KIF5B: variants seen among roughly 807,000 people sequenced by gnomAD.
KIF5B encodes the protein kinesin family member 5B, also known as kinesin-1 heavy chain.
KIF5B carries 49 observed loss-of-function variants against 132.8 expected under a neutral mutation model. The observed-to-expected ratio is 0.37, with a 90% CI of 0.29 to 0.47. The LOEUF (loss-of-function observed/expected upper bound fraction) is 0.47. KIF5B is among the 20% of genes least tolerant of loss of function. KIF5B has a pLI of 1.00. For missense variants in KIF5B, 780 were observed against 1,144.0 expected, an observed-to-expected ratio of 0.68 and a Z score of 4.59; for synonymous variants, 355 against 369.4, an observed-to-expected ratio of 0.96 and a Z score of 0.45.
chr10:32,049,928 TTA>T (rs1491180000), intron 1 of KIF5B, among the ~76,000 whole-genome samples: 44 of 142,352 alleles, frequency 3.1e-4, no homozygotes, highest in Admixed American at 6.6e-4. Context: ...TCTAAGAAAG[TTA>T]TTTTTTTTTT....
At chr10:32,055,195 A>G (rs1841737365) in intron 1 of KIF5B, among the ~76,000 whole-genome samples, 1 of 151,958 alleles carries the variant, frequency 6.6e-6, no homozygotes, top group Admixed American at 6.6e-5. Flanking sequence ...AAAAAAAAAA[A>G]GCTCAACTAT....
chr10:32,016,594 TGGCTCATTGCAATCTC>T (rs1363224774), intron 24 of KIF5B, among the ~76,000 whole-genome samples: 9 of 152,182 alleles, frequency 5.9e-5, no homozygotes, highest in Non-Finnish European at 1.2e-4. Context: ...GGTGCAATCT[TGGCTCATTGCAATCTC>T]GGCTCATTGC....
rs199947826 is a variant in KIF5B at position 32,034,691 on chromosome 10, A to G, written c.1110T>C (p.Asn370=). 6.3e-7 allele frequency: 1 copy of G among 1,578,532 alleles called. No homozygotes were observed. The highest frequency in any genetic ancestry group is 1.4e-5 in the African/African-American group (1 of 72,436). ...WLENELNRWR[N]GETVPIDEQF... ...GATGACAAATTCTTAAGTTATTACC[A>G]TTACGCCATCTGTTGAGCTCATTTT... Residue 370 remains asparagine (N), a splice_region_variant and synonymous_variant, in exon 11 of 26, where the codon AAT becomes AAC. Transcript: ENST00000302418.
chr10:32,022,994 C>A lies in KIF5B; in HGVS notation c.1768G>T (p.Ala590Ser). 6.2e-7 allele frequency: 1 copy of A among 1,610,348 alleles called. No individual in the cohort carries two copies. Among genetic ancestry groups the A allele is most frequent in the Non-Finnish European group, 8.5e-7 (1 of 1,177,778 alleles). ...TGMIDEEFTVARLYISKMKSE... is the reference protein window; with the variant it reads ...TGMIDEEFTVSRLYISKMKSE... ...TTCATTTTGCTAATGTAGAGTCTTG[C>A]AACAGTGAACTCTTCATCTATCATG... Residue 590 changes from alanine to serine, a missense_variant, in exon 16 of 26, where the codon GCA becomes TCA. By Grantham distance (99) the Ala-to-Ser change is moderately conservative. Coordinates refer to ENST00000302418, the MANE Select transcript of KIF5B (RefSeq NM_004521.3).
rs144505692 is a variant in KIF5B, at chr10:32,023,170, TTTTTC to T, written c.1726-139_1726-135del. On this transcript the variant is annotated intron_variant, in intron 15 of 25. Coordinates refer to ENST00000302418, the MANE Select transcript of KIF5B (RefSeq NM_004521.3). ...ATTCATACAAAGTCTGGATCTTATT[TTTTTC>T]TTTTATTACTGTTTTCAACGAAAGG... 5.2e-3 allele frequency: 2,414 copies of T among 461,168 alleles called. 46 individuals are homozygous for T. Among genetic ancestry groups the T allele is most frequent in the African/African-American group, 0.042 (2,109 of 49,978 alleles). 28.6% of individuals were successfully genotyped at this position (461,168 alleles called of 1,614,324 possible). A position where few individuals can be genotyped will look rare whatever the true frequency, so the allele number is the denominator to read the frequency against.
chr10:32,055,183 CA>C (rs879933975), intron 1 of KIF5B, among the ~76,000 whole-genome samples: 206 of 137,736 alleles, frequency 1.5e-3, no homozygotes, highest in Admixed American at 1.4e-3. Flanking sequence ...CATCCTGTTT[CA>C]AAAAAAAAAA....
intron 13 of KIF5B, among the ~76,000 whole-genome samples, chr10:32,031,685 T>C (rs1421570964): frequency 1.3e-5 from 2 of 151,532 alleles, no homozygotes; most frequent in Admixed American, 6.6e-5. Context: ...GAAAATGGCA[T>C]TCTACAAGAG....
At chr10:32,038,854 A>C in intron 4 of KIF5B, 28 bp from the exon 5 acceptor site, 1 of 1,366,628 alleles carries the variant, frequency 7.3e-7, no homozygotes, top group Non-Finnish European at 1.0e-6. Flanking sequence ...AAAAACACCG[A>C]TCAACTAAAG....
At chr10:32,024,312 G>A (rs1372036607) in intron 15 of KIF5B, among the ~76,000 whole-genome samples, 4 of 145,428 alleles carry the variant, frequency 2.8e-5, no homozygotes, top group African/African-American at 5.0e-5. Flanking sequence ...CCGCCACTAC[G>A]CCCGGCTAAT....
At chr10:32,028,684 C>T in intron 14 of KIF5B, 113 bp from the exon 15 acceptor site, 1 of 873,634 alleles carries the variant, frequency 1.1e-6, no homozygotes. Flanking sequence ...CATGTCTTTT[C>T]TGCTTTCATT....
chr10:32,052,075 T>C (rs943719040), intron 1 of KIF5B, among the ~76,000 whole-genome samples: 15 of 152,216 alleles, frequency 9.9e-5, no homozygotes, highest in Admixed American at 9.8e-4. Context: ...CTCAACTGCA[T>C]ACCTTAGGTT....
At chr10:32,031,539 A>G (rs1439896276) in intron 13 of KIF5B, among the ~76,000 whole-genome samples, 1 of 152,206 alleles carries the variant, frequency 6.6e-6, no homozygotes, top group African/African-American at 2.4e-5. Context: ...TAAGTGCAGT[A>G]CAAGATAGAA....
chr10:32,024,309 T>C (rs1469151662), intron 15 of KIF5B, among the ~76,000 whole-genome samples: 2 of 145,398 alleles, frequency 1.4e-5, no homozygotes, highest in Admixed American at 1.4e-4. Flanking sequence ...CGCCCGCCAC[T>C]ACGCCCGGCT....
At chr10:32,034,624 T>G (rs1302181697) in intron 11 of KIF5B, 66 bp downstream of exon 11, 16 of 1,235,120 alleles carry the variant, frequency 1.3e-5, no homozygotes, top group Non-Finnish European at 1.7e-5. Context: ...GCTGAACTAT[T>G]TCTACGTTTC....
chr10:32,054,637 T>G (rs191165455), intron 1 of KIF5B, among the ~76,000 whole-genome samples: 181 of 152,334 alleles, frequency 1.2e-3, no homozygotes, highest in African/African-American at 4.2e-3. Flanking sequence ...AGAATGACAT[T>G]AGAGGAAAAA....
chr10:32,015,277 G>A (rs1212390160), intron 25 of KIF5B, among the ~76,000 whole-genome samples: 3 of 152,030 alleles, frequency 2.0e-5, no homozygotes, highest in Non-Finnish European at 4.4e-5. Context: ...ATTAGACACA[G>A]TATCAAAAGC....
At chr10:32,025,149 C>T (rs1319730874) in intron 15 of KIF5B, among the ~76,000 whole-genome samples, 1 of 152,152 alleles carries the variant, frequency 6.6e-6, no homozygotes, top group Admixed American at 6.5e-5. Context: ...TAACACCATA[C>T]ATTAGTAAAA....
At chr10:32,041,857 T>G (rs1841544046) in intron 2 of KIF5B, among the ~76,000 whole-genome samples, 1 of 152,150 alleles carries the variant, frequency 6.6e-6, no homozygotes, top group Non-Finnish European at 1.5e-5. Flanking sequence ...ACTCCTGGGC[T>G]CAAACAACCC....
At chr10:32,032,128 G>A (rs1482692298) in intron 13 of KIF5B, among the ~76,000 whole-genome samples, 1 of 151,970 alleles carries the variant, frequency 6.6e-6, no homozygotes, top group Non-Finnish European at 1.5e-5. Context: ...GAAATCTGTG[G>A]GAGTGTTAAT....
Sources: allele counts gnomAD v4.1 joint callset (sites outside exome capture counted in the v4.1 genomes callset), GRCh38; gene constraint gnomAD v4.1.1; transcripts MANE v1.5; gene names NCBI Gene and HGNC (gene_info 2026-07-23, HGNC 2026-07-21).